Variants in ESRRG observed in about 807,000 individuals in gnomAD.
ESRRG encodes the protein estrogen related receptor gamma.
ESRRG carries 13 observed loss-of-function variants against 44.0 expected under a neutral mutation model. The observed-to-expected ratio is 0.30, with a 90% CI of 0.19 to 0.47. The LOEUF is 0.47. Among genes scored for constraint, ESRRG ranks in the 20% least tolerant of loss-of-function variants. The pLI, the probability that ESRRG is intolerant of heterozygous loss-of-function variation, is 1.00. For missense variants in ESRRG, 395 were observed against 580.6 expected, an observed-to-expected ratio of 0.68 and a Z score of 3.29; for synonymous variants, 215 against 214.6, an observed-to-expected ratio of 1.00 and a Z score of -0.02.
intron 2 of ESRRG, among the ~76,000 whole-genome samples, chr1:216,913,336 C>T (rs2060726414): frequency 6.6e-6 from 1 of 151,146 alleles, no homozygotes; most frequent in Admixed American, 6.6e-5. Context: ...GCAAATATTA[C>T]ACTATTTTAT....
chr1:216,553,263 G>C (rs2056822376), intron 5 of ESRRG, among the ~76,000 whole-genome samples: 1 of 152,122 alleles, frequency 6.6e-6, no homozygotes, highest in Non-Finnish European at 1.5e-5. Flanking sequence ...AGCACTTCAG[G>C]TAATTAATCC....
chr1:217,092,308 A>G (rs2092361118), upstream of ESRRG, among the ~76,000 whole-genome samples: 1 of 152,206 alleles, frequency 6.6e-6, no homozygotes, highest in South Asian at 2.1e-4. Flanking sequence ...GGGCATAAAA[A>G]TGCTTACTAA....
At position 216,677,066 on chromosome 1, in the gene ESRRG, C is replaced by T. The variant is rs76532109; in HGVS notation, c.472+10G>A. ...GAAGTGGGGAGAGTATTCCCAGGTCCGACACTAACCTTGAATTGTCCTCTT... is the reference window on the plus strand; with the variant it reads ...GAAGTGGGGAGAGTATTCCCAGGTCTGACACTAACCTTGAATTGTCCTCTT... On this transcript the variant is annotated intron_variant, in intron 2 of 6. Transcript: ENST00000408911. 1,686 of 1,607,652 alleles carry T rather than the reference C, an allele frequency of 1.0e-3. 16 individuals are homozygous for T. In the African/African-American group the frequency reaches 0.019, roughly 18 times the overall value.
At chr1:216,765,169 T>A (rs112004544) in intron 2 of ESRRG, among the ~76,000 whole-genome samples, 2,654 of 152,028 alleles carry the variant, frequency 0.017, 74 homozygotes, top group African/African-American at 0.06. Flanking sequence ...CTGGAGATTG[T>A]CCTGGAGGGG....
At chr1:216,865,349 C>T (rs2096136236) in intron 2 of ESRRG, among the ~76,000 whole-genome samples, 1 of 151,972 alleles carries the variant, frequency 6.6e-6, no homozygotes, top group African/African-American at 2.4e-5. Flanking sequence ...TGGATTGAGA[C>T]TCATATGTTA....
At chr1:216,573,124 C>A (rs950405303) in intron 3 of ESRRG, among the ~76,000 whole-genome samples, 1 of 151,892 alleles carries the variant, frequency 6.6e-6, no homozygotes, top group Non-Finnish European at 1.5e-5. Flanking sequence ...AACTAATAAT[C>A]AATCATTAAA....
At chr1:216,952,474 C>G (rs1157139332) in intron 1 of ESRRG, among the ~76,000 whole-genome samples, 1 of 152,000 alleles carries the variant, frequency 6.6e-6, no homozygotes, top group Non-Finnish European at 1.5e-5. Flanking sequence ...TGAATCTTAC[C>G]CATTCAGATA....
chr1:216,567,649 T>C (rs1306262360), intron 4 of ESRRG, among the ~76,000 whole-genome samples: 1 of 152,176 alleles, frequency 6.6e-6, no homozygotes. Flanking sequence ...ATGATCACAG[T>C]ATGATCCATT....
chr1:216,918,119 G>A (rs1337976813), intron 2 of ESRRG, among the ~76,000 whole-genome samples: 4 of 152,074 alleles, frequency 2.6e-5, no homozygotes, highest in Non-Finnish European at 4.4e-5. Flanking sequence ...AACATGTTTT[G>A]CGAAATTTAA....
At chr1:217,032,943 A>T (rs1305555340) in intron 1 of ESRRG, among the ~76,000 whole-genome samples, 1 of 152,080 alleles carries the variant, frequency 6.6e-6, no homozygotes, top group South Asian at 2.1e-4. Flanking sequence ...AGCTATCTCC[A>T]CTGATAGCCT....
intron 2 of ESRRG, among the ~76,000 whole-genome samples, chr1:216,899,800 T>C (rs2058851382): frequency 1.3e-5 from 2 of 151,972 alleles, no homozygotes; most frequent in African/African-American, 4.8e-5. Flanking sequence ...AAACAAAAGA[T>C]GGGTGACAGA....
intron 5 of ESRRG, among the ~76,000 whole-genome samples, chr1:216,560,132 CTA>C (rs1190442745): frequency 6.6e-6 from 1 of 152,086 alleles, no homozygotes; most frequent in East Asian, 1.9e-4. Context: ...TACTTAAAGA[CTA>C]TTTATTACAT....
chr1:216,751,827 G>GATAT (rs59638474), intron 2 of ESRRG, among the ~76,000 whole-genome samples: 3 of 151,774 alleles, frequency 2.0e-5, no homozygotes, highest in African/African-American at 4.8e-5. Flanking sequence ...ATATTCAGCT[G>GATAT]ATATATATAT....
intron 2 of ESRRG, among the ~76,000 whole-genome samples, chr1:216,676,525 C>T (rs115365841): frequency 1.3e-4 from 20 of 152,068 alleles, no homozygotes; most frequent in African/African-American, 2.9e-4. Flanking sequence ...GTCCCTGGAC[C>T]GGCAGCATCA....
chr1:216,611,706 G>T (rs897199175), intron 3 of ESRRG, among the ~76,000 whole-genome samples: 1 of 151,992 alleles, frequency 6.6e-6, no homozygotes, highest in African/African-American at 2.4e-5. Context: ...AGAATCTACC[G>T]GGGGACTCTA....
At chr1:216,637,430 C>T (rs1230375588) in intron 3 of ESRRG, among the ~76,000 whole-genome samples, 1 of 152,138 alleles carries the variant, frequency 6.6e-6, no homozygotes, top group African/African-American at 2.4e-5. Context: ...AGCTCCAGCA[C>T]GAAGACCATT....
chr1:217,016,669 C>T (rs1317459231), intron 1 of ESRRG, among the ~76,000 whole-genome samples: 1 of 152,004 alleles, frequency 6.6e-6, no homozygotes, highest in Admixed American at 6.6e-5. Flanking sequence ...CTACAAATTC[C>T]GGAAAAGAAC....
At chr1:216,624,135 T>C (rs1349245347) in intron 3 of ESRRG, among the ~76,000 whole-genome samples, 1 of 152,162 alleles carries the variant, frequency 6.6e-6, no homozygotes, top group Non-Finnish European at 1.5e-5. Context: ...AAGGCCGGCC[T>C]TGGTCTCTTT....
At chr1:217,007,191 T>C (rs1411671003) in intron 1 of ESRRG, among the ~76,000 whole-genome samples, 1 of 152,142 alleles carries the variant, frequency 6.6e-6, no homozygotes, top group Non-Finnish European at 1.5e-5. Flanking sequence ...CATTCTAATG[T>C]AGTAGATTGT....
Sources: gnomAD v4.1 joint callset for allele counts (sites outside exome capture counted in the v4.1 genomes callset) on GRCh38, gnomAD v4.1.1 for gene constraint, MANE v1.5 for transcripts, NCBI Gene and HGNC (gene_info 2026-07-23, HGNC 2026-07-21) for gene names.